The following LDAH variants were observed in gnomAD, a reference collection of about 807,000 sequenced individuals.
LDAH encodes the protein lipid droplet-associated hydrolase.
Under a neutral mutation model 29.6 loss-of-function variants are expected in LDAH, and 26 were observed. The ratio of observed to expected loss-of-function variants is 0.88; its 90% CI spans 0.64 to 1.22. The LOEUF is 1.22. Ranked by LOEUF, LDAH falls within the 50% of genes most tolerant of loss-of-function variation. The pLI, the probability that LDAH is intolerant of heterozygous loss-of-function variation, is 0.00. For missense variants in LDAH, 344 were observed against 387.3 expected (o/e 0.89, Z 0.94); for synonymous variants, 117 against 133.0 (o/e 0.88, Z 0.83).
chr2:20,793,318 G>A (rs1351585276), intron 2 of LDAH, among the ~76,000 whole-genome samples: 1 of 152,128 alleles, frequency 6.6e-6, no homozygotes, highest in African/African-American at 2.4e-5. Context: ...ATTTAGCTAA[G>A]ACCCCAAAAT....
At chr2:20,793,863 T>G (rs1287162149) in intron 2 of LDAH, among the ~76,000 whole-genome samples, 1 of 152,074 alleles carries the variant, frequency 6.6e-6, no homozygotes, top group Non-Finnish European at 1.5e-5. Context: ...TAATTAGAAT[T>G]TAAGTTAAAA....
intron 4 of LDAH, among the ~76,000 whole-genome samples, chr2:20,749,475 G>A (rs1206994167): frequency 1.3e-5 from 2 of 152,256 alleles, no homozygotes; most frequent in African/African-American, 2.4e-5. Flanking sequence ...AAAGGTATCC[G>A]TGACAGGGTT....
At position 20,712,060 on chromosome 2, in the gene LDAH, G is replaced by A. The variant is rs554635376; in HGVS notation, c.704-10408C>T. On this transcript the variant is annotated intron_variant, in intron 5 of 6. Transcript: ENST00000237822. ...TCTCCCAGCACAGCATTTGAGCTCT[G>A]AGAACGGACAGACTGCCTCCTCAAG... Among the ~76,000 whole-genome samples, 82 of 152,340 alleles carry A rather than the reference G, an allele frequency of 5.4e-4. 1 individual carries two copies. The highest frequency in any genetic ancestry group is 1.9e-3 in the African/African-American group (79 of 41,578).
chr2:20,754,718 A>C (rs1384466350), intron 4 of LDAH, among the ~76,000 whole-genome samples: 1 of 152,150 alleles, frequency 6.6e-6, no homozygotes, highest in Non-Finnish European at 1.5e-5. Context: ...TCTAGTCAAA[A>C]GGAAACATGA....
chr2:20,782,868 G>C (rs188398174), intron 3 of LDAH, among the ~76,000 whole-genome samples: 2 of 151,638 alleles, frequency 1.3e-5, no homozygotes, highest in East Asian at 1.9e-4. Flanking sequence ...TTTGCTTTAG[G>C]CTTAAATTGT....
chr2:20,754,658 T>C (rs1379466954), intron 4 of LDAH, among the ~76,000 whole-genome samples: 2 of 152,048 alleles, frequency 1.3e-5, no homozygotes, highest in Admixed American at 6.5e-5. Flanking sequence ...GAGAAGGACA[T>C]AGCATCACCT....
chr2:20,720,070 T>C (rs1445742062), intron 5 of LDAH, among the ~76,000 whole-genome samples: 3 of 152,156 alleles, frequency 2.0e-5, no homozygotes, highest in Non-Finnish European at 4.4e-5. Context: ...ATGCCCATTT[T>C]CACCACTTCA....
Position 20,747,283 on chromosome 2 carries a change from T to A in LDAH, c.469-7078A>T, listed in dbSNP as rs142697533. Among the ~76,000 whole-genome samples the A allele has an allele frequency of 1.0e-3, 154 of 152,212 alleles. 1 individual carries two copies. The highest frequency in any genetic ancestry group is 3.6e-3 in the African/African-American group (151 of 41,550). On this transcript the variant is annotated intron_variant, in intron 4 of 6. Coordinates refer to ENST00000237822, the MANE Select transcript of LDAH (RefSeq NM_021925.4). ...AAGTGAAGCTGCGACAAATAGTACT[T>A]CAACATCTTCAAAAAAACATTATCA...
intron 4 of LDAH, among the ~76,000 whole-genome samples, chr2:20,773,679 C>T (rs1669583297): frequency 6.6e-6 from 1 of 152,066 alleles, no homozygotes; most frequent in African/African-American, 2.4e-5. Context: ...CATTTAGTAT[C>T]AAAAACCACA....
At chr2:20,769,804 T>G (rs1044242590) in intron 4 of LDAH, among the ~76,000 whole-genome samples, 1 of 152,172 alleles carries the variant, frequency 6.6e-6, no homozygotes, top group Non-Finnish European at 1.5e-5. Context: ...GCTGTCAATT[T>G]TACTCCTTTA....
chr2:20,793,764 T>C (rs1451355645), intron 2 of LDAH, among the ~76,000 whole-genome samples: 3 of 142,832 alleles, frequency 2.1e-5, no homozygotes, highest in African/African-American at 9.2e-5. Flanking sequence ...TTTAGCAACT[T>C]AGATAAAATA....
intron 1 of LDAH, among the ~76,000 whole-genome samples, chr2:20,819,089 T>C (rs547429868): frequency 6.6e-6 from 1 of 152,258 alleles, no homozygotes; most frequent in Non-Finnish European, 1.5e-5. Flanking sequence ...TGAGGACATA[T>C]TAAAAACGAA....
intron 1 of LDAH, among the ~76,000 whole-genome samples, chr2:20,820,568 A>G (rs1218310212): frequency 6.6e-6 from 1 of 152,148 alleles, no homozygotes; most frequent in Non-Finnish European, 1.5e-5. Flanking sequence ...CCATATGTAG[A>G]AAGCTGAAAC....
Position 20,685,487 on chromosome 2 carries a change from G to A in LDAH, c.*1416C>T, listed in dbSNP as rs1008201432. The A allele has an allele frequency of 7.8e-5, 119 of 1,531,586 alleles. No homozygotes were observed. Among genetic ancestry groups the A allele is most frequent in the Non-Finnish European group, 1.0e-4 (117 of 1,138,176 alleles). The allele number at this position is 1,531,586 out of a possible 1,614,324, so 94.9% of individuals were successfully genotyped here. On this transcript the variant is annotated 3_prime_UTR_variant, in exon 7 of 7. Transcript: ENST00000237822. ...CTGGAGCTTGGCTTTTCCCCTCTGA[G>A]AAGTCACTTGCTGTGATGTAGAAGC...
chr2:20,751,148 T>C lies in LDAH; in HGVS notation c.469-10943A>G, dbSNP rs1334607342. 5.9e-5 allele frequency among the ~76,000 whole-genome samples: 9 copies of C among 152,184 alleles called. No individual in the cohort carries two copies. In the East Asian group the frequency reaches 1.7e-3, roughly 29 times the overall value. ...GTACCCCCGGTATCTAAAATAAAAGTTGAAGTTTTTTTAAAAGCAGTCTGA... is the reference window on the plus strand; with the variant it reads ...GTACCCCCGGTATCTAAAATAAAAGCTGAAGTTTTTTTAAAAGCAGTCTGA... On this transcript the variant is annotated intron_variant, in intron 4 of 6. Transcript: ENST00000237822.
At chr2:20,755,164 T>TGC (rs770195291) in intron 4 of LDAH, among the ~76,000 whole-genome samples, 2 of 144,000 alleles carry the variant, frequency 1.4e-5, no homozygotes, top group Non-Finnish European at 3.1e-5. Context: ...TGTGTGTGTG[T>TGC]GTAGGGGAGC....
At chr2:20,775,803 T>C (rs1161228055) in intron 3 of LDAH, among the ~76,000 whole-genome samples, 1 of 152,212 alleles carries the variant, frequency 6.6e-6, no homozygotes, top group African/African-American at 2.4e-5. Context: ...ACCTCTTTTA[T>C]TATAGCACTT....
At chr2:20,736,956 ATCTG>A (rs1227699622) in intron 5 of LDAH, among the ~76,000 whole-genome samples, 4 of 152,186 alleles carry the variant, frequency 2.6e-5, no homozygotes, top group African/African-American at 9.7e-5. Context: ...TTTCTTGTTA[ATCTG>A]TCTTTTGTAA....
In LDAH at chr2:20,740,024, A is replaced by T. The variant is rs1667063126; in HGVS notation, c.650T>A (p.Met217Lys). 6.2e-7 allele frequency: 1 copy of T among 1,614,004 alleles called. No homozygotes were observed. The highest frequency in any genetic ancestry group is 1.3e-5 in the African/African-American group (1 of 74,936). The part of the protein sequence containing the change: ...SLLIRRGLQV[M>K]NLENEFSPLN... ...TGGTGAAAATTCATTCTCTAGGTTC[A>T]TTACTTGAAGGCCCCTTCTGATTAG... Residue 217 changes from methionine to lysine, a missense_variant, in exon 5 of 7, where the codon ATG becomes AAG. By Grantham distance (95) the Met-to-Lys change is moderately conservative. Coordinates refer to ENST00000237822, the MANE Select transcript of LDAH (RefSeq NM_021925.4).
Sources: allele counts gnomAD v4.1 joint callset (sites outside exome capture counted in the v4.1 genomes callset), GRCh38; gene constraint gnomAD v4.1.1; transcripts MANE v1.5; gene names NCBI Gene and HGNC (gene_info 2026-07-23, HGNC 2026-07-21).